CSMD3: variants seen among roughly 807,000 people sequenced by gnomAD.
CSMD3 encodes CUB and sushi domain-containing protein 3.
In CSMD3, 177 loss-of-function variants were observed where a neutral mutation model predicts 435.2. The observed-to-expected ratio is 0.41, with a 90% confidence interval of 0.36 to 0.46. CSMD3 has a LOEUF of 0.46. Ranked by LOEUF, CSMD3 falls within the 20% of genes least tolerant of loss-of-function variation. The probability of loss-of-function intolerance (pLI) is 0.34; values close to 1 mark genes in which losing one functional copy is unlikely to be tolerated. For synonymous variants in CSMD3, 1,656 were observed against 1,520.5 expected, an observed-to-expected ratio of 1.09 and a Z score of -2.07; for missense variants, 4,265 against 4,504.6, an observed-to-expected ratio of 0.95 and a Z score of 1.52.
intron 13 of CSMD3, among the ~76,000 whole-genome samples, chr8:112,726,046 T>C (rs2131989684): frequency 6.6e-6 from 1 of 151,996 alleles, no homozygotes; most frequent in Non-Finnish European, 1.5e-5. Context: ...GGCACCTTCT[T>C]TACAAGGTGG....
intron 5 of CSMD3, among the ~76,000 whole-genome samples, chr8:113,044,378 A>G (rs187838186): frequency 1.4e-5 from 2 of 142,014 alleles, no homozygotes; most frequent in African/African-American, 4.9e-5. Context: ...CATAATAGGT[A>G]GTAGTCATTC....
At chr8:113,243,528 G>C (rs998104608) in intron 3 of CSMD3, among the ~76,000 whole-genome samples, 1 of 151,784 alleles carries the variant, frequency 6.6e-6, no homozygotes, top group Admixed American at 6.6e-5. Context: ...TATTCATCTT[G>C]TTTCCACATT....
At chr8:112,775,484 C>A (rs927887783) in intron 13 of CSMD3, among the ~76,000 whole-genome samples, 1 of 151,534 alleles carries the variant, frequency 6.6e-6, no homozygotes, top group African/African-American at 2.4e-5. Context: ...AATTAAGTTT[C>A]GTTTTTTAGT....
intron 58 of CSMD3, among the ~76,000 whole-genome samples, chr8:112,285,359 C>A (rs1478186862): frequency 3.3e-5 from 5 of 152,076 alleles, no homozygotes; most frequent in Non-Finnish European, 7.4e-5. Flanking sequence ...GTATTTTACT[C>A]AGCACTATGT....
intron 32 of CSMD3, among the ~76,000 whole-genome samples, chr8:112,443,283 C>T (rs927482705): frequency 1.3e-5 from 2 of 152,128 alleles, no homozygotes; most frequent in African/African-American, 4.8e-5. Flanking sequence ...ATAAAACATA[C>T]AGTAGCAAAC....
At chr8:112,522,511 G>A (rs1258062980) in intron 27 of CSMD3, among the ~76,000 whole-genome samples, 1 of 151,652 alleles carries the variant, frequency 6.6e-6, no homozygotes, top group East Asian at 1.9e-4. Context: ...GAAATAAATT[G>A]TCCATCAGTA....
chr8:112,728,093 C>CATGTGATA lies in CSMD3; in HGVS notation c.1973-38051_1973-38044dup, dbSNP rs546805390. Among the ~76,000 whole-genome samples the CATGTGATA allele has an allele frequency of 6.0e-3, 910 of 151,896 alleles. 8 individuals are homozygous for CATGTGATA. The highest frequency in any genetic ancestry group is 6.3e-3 in the Non-Finnish European group (428 of 67,844). ...AACACTATAGTTAATTAGGGGTAGT[C>CATGTGATA]ATGTGATAGAAAATGCAGATTGTTG... On this transcript the variant is annotated intron_variant, in intron 13 of 70. Transcript: ENST00000297405.
intron 22 of CSMD3, among the ~76,000 whole-genome samples, chr8:112,615,096 A>G (rs190640627): frequency 2.8e-4 from 42 of 152,268 alleles, no homozygotes; most frequent in Admixed American, 2.6e-3. Flanking sequence ...TAGTTTGAAA[A>G]GAATATAGAA....
At chr8:113,167,333 A>G (rs2092172009) in intron 4 of CSMD3, among the ~76,000 whole-genome samples, 1 of 152,182 alleles carries the variant, frequency 6.6e-6, no homozygotes, top group African/African-American at 2.4e-5. Context: ...ATTTTTCAAA[A>G]CTATCATTTA....
rs994921574 is a variant in CSMD3 at position 112,350,823 on chromosome 8, G to A, written c.6325+352C>T. 3.3e-5 allele frequency among the ~76,000 whole-genome samples: 5 copies of A among 151,826 alleles called. No individual in the cohort carries two copies. The East Asian group carries it at 5.8e-4, about 18-fold the overall frequency. ...CACTTTAGATTCTTTATCTATTCCC[G>A]CTCAATAGTAAGCAATAGAATATTT... On this transcript the variant is annotated intron_variant, in intron 40 of 70. Coordinates refer to ENST00000297405, the MANE Select transcript of CSMD3 (RefSeq NM_198123.2).
intron 35 of CSMD3, among the ~76,000 whole-genome samples, chr8:112,396,104 T>G (rs186280222): frequency 2.6e-5 from 4 of 152,208 alleles, no homozygotes; most frequent in Admixed American, 2.6e-4. Flanking sequence ...AGTATGTCAG[T>G]GTGTGCAAAA....
At chr8:113,069,932 A>G (rs1218312796) in intron 5 of CSMD3, among the ~76,000 whole-genome samples, 1 of 152,122 alleles carries the variant, frequency 6.6e-6, no homozygotes, top group Non-Finnish European at 1.5e-5. Flanking sequence ...CAGTTGCCCA[A>G]GAGAGGAGCC....
intron 28 of CSMD3, among the ~76,000 whole-genome samples, chr8:112,507,936 C>T (rs1822702264): frequency 6.6e-6 from 1 of 152,102 alleles, no homozygotes; most frequent in Non-Finnish European, 1.5e-5. Flanking sequence ...TTCACCACTA[C>T]TTTCCTGTCG....
intron 42 of CSMD3, among the ~76,000 whole-genome samples, chr8:112,338,699 A>C (rs1824804753): frequency 6.6e-6 from 1 of 152,124 alleles, no homozygotes; most frequent in South Asian, 2.1e-4. Flanking sequence ...TTAATGAACA[A>C]ATTCTTTAAA....
At chr8:113,376,022 T>C (rs1252864600) in intron 1 of CSMD3, among the ~76,000 whole-genome samples, 3 of 152,190 alleles carry the variant, frequency 2.0e-5, no homozygotes, top group Non-Finnish European at 1.5e-5. Flanking sequence ...GATTTAATTA[T>C]CTATATGAAT....
At chr8:113,402,526 T>C (rs991210503) in intron 1 of CSMD3, among the ~76,000 whole-genome samples, 1 of 151,364 alleles carries the variant, frequency 6.6e-6, no homozygotes, top group African/African-American at 2.4e-5. Context: ...GTGTTTAGGA[T>C]ATAATGTCCC....
intron 13 of CSMD3, among the ~76,000 whole-genome samples, chr8:112,773,137 C>A (rs2078163587): frequency 6.6e-6 from 1 of 151,824 alleles, no homozygotes. Flanking sequence ...GAGGGGCAAC[C>A]CACCCGTTCA....
chr8:112,730,306 A>C (rs1162508198), intron 13 of CSMD3, among the ~76,000 whole-genome samples: 1 of 152,142 alleles, frequency 6.6e-6, no homozygotes, highest in East Asian at 1.9e-4. Flanking sequence ...GGAAAGAATT[A>C]AGGTCACTGA....
chr8:112,682,371 T>C, intron 16 of CSMD3, 71 bp downstream of exon 16: 1 of 1,050,958 alleles, frequency 9.5e-7, no homozygotes, highest in African/African-American at 1.6e-5. Flanking sequence ...GGTAGGATAA[T>C]GTGTTTCTTG....
Sources: gnomAD v4.1 joint callset for allele counts (sites outside exome capture counted in the v4.1 genomes callset) on GRCh38, gnomAD v4.1.1 for gene constraint, MANE v1.5 for transcripts, NCBI Gene and HGNC (gene_info 2026-07-23, HGNC 2026-07-21) for gene names.